Variants in KIAA1328 observed in about 807,000 individuals in gnomAD.
KIAA1328 encodes the protein KIAA1328, also known as protein hinderin.
In KIAA1328, 52 loss-of-function variants were observed where a neutral mutation model predicts 68.1. That is an observed-to-expected ratio of 0.76 (90% CI 0.61 to 0.96). The LOEUF is 0.96. KIAA1328 is among the 40% of genes least tolerant of loss of function. KIAA1328 has a pLI of 0.00. For missense variants in KIAA1328, 641 were observed against 677.6 expected (o/e 0.95, Z 0.60); for synonymous variants, 232 against 239.4 (o/e 0.97, Z 0.28).
intron 7 of KIAA1328, among the ~76,000 whole-genome samples, chr18:37,140,192 A>G (rs1195670498): frequency 6.6e-6 from 1 of 152,116 alleles, no homozygotes; most frequent in African/African-American, 2.4e-5. Flanking sequence ...TTTTTTTATA[A>G]TGCCTTTTCT....
Position 37,166,033 on chromosome 18 carries a change from G to A in KIAA1328, c.1414+5652G>A, listed in dbSNP as rs1015411286. Among the ~76,000 whole-genome samples, 127 of 144,448 alleles carry A rather than the reference G, an allele frequency of 8.8e-4. 2 individuals are homozygous for A. The highest frequency in any genetic ancestry group is 3.5e-3 in the African/African-American group (124 of 35,836). The allele number at this position is 144,448 out of a possible 152,430, so 94.8% of individuals were successfully genotyped here. A position where few individuals can be genotyped will look rare whatever the true frequency, so the allele number is the denominator to read the frequency against. On this transcript the variant is annotated intron_variant, in intron 8 of 9. Transcript: ENST00000280020. ...TACACTGATTGGGAGATATTGGGGTGGTAATTTTTTTTTTTTTTTTTGGTA... is the reference window on the plus strand; with the variant it reads ...TACACTGATTGGGAGATATTGGGGTAGTAATTTTTTTTTTTTTTTTTGGTA...
chr18:36,950,946 G>A (rs541332476), intron 5 of KIAA1328, among the ~76,000 whole-genome samples: 1 of 152,360 alleles, frequency 6.6e-6, no homozygotes, highest in South Asian at 2.1e-4. Context: ...GGACAACCAA[G>A]TAATGTCAAA....
intron 9 of KIAA1328, among the ~76,000 whole-genome samples, chr18:37,188,561 G>A (rs564098555): frequency 6.6e-6 from 1 of 152,298 alleles, no homozygotes; most frequent in East Asian, 1.9e-4. Flanking sequence ...TTGCTGTGAT[G>A]CTCCTAGAGG....
chr18:36,881,931 G>A (rs1416194361), intron 4 of KIAA1328, among the ~76,000 whole-genome samples: 2 of 152,050 alleles, frequency 1.3e-5, no homozygotes, highest in East Asian at 3.9e-4. Flanking sequence ...TTTTTATGTG[G>A]ACATATGTTT....
Position 37,074,378 on chromosome 18 carries a change from T to A in KIAA1328, c.1232+6833T>A, listed in dbSNP as rs144032356. On this transcript the variant is annotated intron_variant, in intron 7 of 9. Coordinates refer to ENST00000280020, the MANE Select transcript of KIAA1328 (RefSeq NM_020776.3). ...GTATAATGTCTAAGATTTTTAGTTG[T>A]ACAGGGGTAGACAGAAGTGCAGCTA... is the stretch of plus-strand genomic sequence containing the variant. Among the ~76,000 whole-genome samples, 678 of 152,338 alleles carry A rather than the reference T, an allele frequency of 4.5e-3. 8 individuals carry two copies. The highest frequency in any genetic ancestry group is 0.022 in the Admixed American group (330 of 15,296).
At position 36,829,285 on chromosome 18, in the gene KIAA1328, AGAAGCTCC is replaced by A. The variant is rs2046368272; in HGVS notation, c.58+93_58+100del. On this transcript the variant is annotated intron_variant, in intron 1 of 9. Transcript: ENST00000280020. The stretch of plus-strand genomic sequence containing the variant: ...TCGCGTGGCAGTCCGAGAGCGGAGG[AGAAGCTCC>A]GAACTAACCCCGGGGATGGGGACGT... 3 of 1,435,958 alleles carry A rather than the reference AGAAGCTCC, an allele frequency of 2.1e-6. No homozygotes were observed. In the Admixed American group the frequency reaches 8.4e-5, roughly 40 times the overall value. The allele number at this position is 1,435,958 out of a possible 1,614,324, so 89.0% of individuals were successfully genotyped here.
chr18:36,961,837 A>G lies in KIAA1328; in HGVS notation c.576+2402A>G, dbSNP rs555697989. Among the ~76,000 whole-genome samples the G allele has an allele frequency of 1.1e-4, 17 of 152,308 alleles. No homozygotes were observed. In the South Asian group the frequency reaches 3.3e-3, roughly 30 times the overall value. ...GGAGCACTAAACATGGAAGGGAACAACTGGTACCAGCCACTATAAAAACAT... is the reference window on the plus strand; with the variant it reads ...GGAGCACTAAACATGGAAGGGAACAGCTGGTACCAGCCACTATAAAAACAT... On this transcript the variant is annotated intron_variant, in intron 6 of 9. Transcript: ENST00000280020.
chr18:37,122,394 A>G (rs960548517), intron 7 of KIAA1328, among the ~76,000 whole-genome samples: 3 of 152,062 alleles, frequency 2.0e-5, no homozygotes, highest in African/African-American at 7.2e-5. Context: ...GAGAAGAAGC[A>G]GGGAGTTGTA....
chr18:37,124,751 C>T (rs1034539133), intron 7 of KIAA1328, among the ~76,000 whole-genome samples: 22 of 152,132 alleles, frequency 1.4e-4, no homozygotes, highest in Non-Finnish European at 3.2e-4. Flanking sequence ...AGTGGTCCTT[C>T]AGTTCCTCTA....
At chr18:37,066,218 A>G (rs1234767587) in intron 6 of KIAA1328, among the ~76,000 whole-genome samples, 1 of 152,240 alleles carries the variant, frequency 6.6e-6, no homozygotes, top group Non-Finnish European at 1.5e-5. Context: ...CATGTCAGAG[A>G]TAATTTGCAA....
At chr18:36,876,501 C>T (rs1268557185) in intron 4 of KIAA1328, among the ~76,000 whole-genome samples, 1 of 152,148 alleles carries the variant, frequency 6.6e-6, no homozygotes, top group East Asian at 1.9e-4. Context: ...ATTTGTATTT[C>T]TATGGGATCA....
In KIAA1328 at chr18:37,039,638, CTT is replaced by C. The variant is rs565639632; in HGVS notation, c.577-27251_577-27250del. On this transcript the variant is annotated intron_variant, in intron 6 of 9. Coordinates refer to ENST00000280020, the MANE Select transcript of KIAA1328 (RefSeq NM_020776.3). ...ATGTTGGCCAGGATGGTCTCAATCT[CTT>C]GACCTCGTGATCCGCCCGCCTCGGC... Among the ~76,000 whole-genome samples the C allele has an allele frequency of 1.1e-3, 172 of 152,276 alleles. 1 individual carries two copies. The highest frequency in any genetic ancestry group is 4.0e-3 in the African/African-American group (165 of 41,552).
At position 36,894,359 on chromosome 18, in the gene KIAA1328, A is replaced by G. The variant is rs34365973; in HGVS notation, c.448+8687A>G. Among the ~76,000 whole-genome samples the G allele has an allele frequency of 1.2e-3, 177 of 152,276 alleles. 1 individual carries two copies. Among genetic ancestry groups the G allele is most frequent in the African/African-American group, 4.0e-3 (166 of 41,568 alleles). ...TTAAGCAATTTTCTTATATTTTGAC[A>G]TCTCCATTCAGTCACCAGGTCTTAC... On this transcript the variant is annotated intron_variant, in intron 5 of 9. Coordinates refer to ENST00000280020, the MANE Select transcript of KIAA1328 (RefSeq NM_020776.3).
At chr18:36,960,902 T>C (rs2051638884) in intron 6 of KIAA1328, among the ~76,000 whole-genome samples, 1 of 152,146 alleles carries the variant, frequency 6.6e-6, no homozygotes, top group Non-Finnish European at 1.5e-5. Context: ...CCAGAGCTCC[T>C]CTTCTCCTCC....
chr18:37,112,121 C>A (rs1220421538), intron 7 of KIAA1328, among the ~76,000 whole-genome samples: 1 of 152,210 alleles, frequency 6.6e-6, no homozygotes, highest in Non-Finnish European at 1.5e-5. Context: ...CAAAAGGCAG[C>A]AGAAACTTCT....
rs375082384 is a variant in KIAA1328, at chr18:37,077,327, G to A, written c.1232+9782G>A. On this transcript the variant is annotated intron_variant, in intron 7 of 9. Coordinates refer to ENST00000280020, the MANE Select transcript of KIAA1328 (RefSeq NM_020776.3). ...TCAATAAATTAGGTATTGATGGGAC[G>A]TATCTCAAAATAATAAGAGCTATCT... Among the ~76,000 whole-genome samples the A allele has an allele frequency of 1.3e-4, 18 of 138,548 alleles. 1 individual carries two copies. The highest frequency in any genetic ancestry group is 4.0e-4 in the East Asian group (2 of 5,038). The allele number at this position is 138,548 out of a possible 152,430, so 90.9% of individuals were successfully genotyped here.
At chr18:37,214,091 C>T (rs951365904) in intron 9 of KIAA1328, among the ~76,000 whole-genome samples, 5 of 152,126 alleles carry the variant, frequency 3.3e-5, no homozygotes, top group Non-Finnish European at 5.9e-5. Context: ...TTCTCCCATT[C>T]TGTAGGTTGC....
chr18:36,835,001 C>G (rs1426841173), intron 2 of KIAA1328, among the ~76,000 whole-genome samples: 1 of 151,988 alleles, frequency 6.6e-6, no homozygotes, highest in African/African-American at 2.4e-5. Context: ...AAGACCCTGT[C>G]TCTTTAAAAA....
chr18:37,200,304 G>T (rs1324281082), intron 9 of KIAA1328, among the ~76,000 whole-genome samples: 1 of 152,198 alleles, frequency 6.6e-6, no homozygotes, highest in Non-Finnish European at 1.5e-5. Context: ...ATTCTCATTG[G>T]TTTACATTCT....
Sources: allele counts gnomAD v4.1 joint callset (sites outside exome capture counted in the v4.1 genomes callset), GRCh38; gene constraint gnomAD v4.1.1; transcripts MANE v1.5; gene names NCBI Gene and HGNC (gene_info 2026-07-23, HGNC 2026-07-21).